Variants in SLC25A40 observed in about 807,000 individuals in gnomAD.
SLC25A40 encodes the protein solute carrier family 25 member 40, also known as mitochondrial glutathione transporter SLC25A40.
Under a neutral mutation model 46.5 loss-of-function variants are expected in SLC25A40, and 41 were observed. The ratio of observed to expected loss-of-function variants is 0.88; its 90% CI spans 0.69 to 1.14. SLC25A40 has a LOEUF of 1.14. Ranked by LOEUF, SLC25A40 falls within the 50% of genes most tolerant of loss-of-function variation. SLC25A40 has a pLI of 0.00. For synonymous variants in SLC25A40, 126 were observed against 127.5 expected (o/e 0.99, Z 0.08); for missense variants, 386 against 393.6 (o/e 0.98, Z 0.16).
rs1329809754 is a variant in SLC25A40, at chr7:87,834,386, T to C, written c.*1863A>G. ...GAACACTTTTTGGTTGTTAGTATAT[T>C]TTAAAAGTATTAATATTTCTTTTTA... On this transcript the variant is annotated 3_prime_UTR_variant, in exon 12 of 12. Transcript: ENST00000341119. 1 of 151,726 alleles carries C rather than the reference T, an allele frequency of 6.6e-6. No homozygotes were observed. The highest frequency in any genetic ancestry group is 1.5e-5 in the Non-Finnish European group (1 of 67,788). The allele number at this position is 151,726 out of a possible 1,614,324, so 9.4% of individuals were successfully genotyped here. A position where few individuals can be genotyped will look rare whatever the true frequency, so the allele number is the denominator to read the frequency against.
chr7:87,854,101 C>T lies in SLC25A40; in HGVS notation c.264+103G>A, dbSNP rs537343198. The T allele has an allele frequency of 1.2e-5, 9 of 773,408 alleles. No homozygotes were observed. The African/African-American group carries it at 1.4e-4, about 12-fold the overall frequency. The allele number at this position is 773,408 out of a possible 1,614,324, so 47.9% of individuals were successfully genotyped here. A position where few individuals can be genotyped will look rare whatever the true frequency, so the allele number is the denominator to read the frequency against. On this transcript the variant is annotated intron_variant, in intron 5 of 11. Coordinates refer to ENST00000341119, the MANE Select transcript of SLC25A40 (RefSeq NM_018843.4). ...AAAAGCAAAGAAGTAGTTCCCTGTTCTCAGTTTAATATGATTCTTAACCCT... is the reference window on the plus strand; with the variant it reads ...AAAAGCAAAGAAGTAGTTCCCTGTTTTCAGTTTAATATGATTCTTAACCCT...
chr7:87,848,672 C>T (rs1315750455), intron 6 of SLC25A40, among the ~76,000 whole-genome samples: 2 of 152,160 alleles, frequency 1.3e-5, no homozygotes, highest in Non-Finnish European at 2.9e-5. Context: ...ATTCTAATGA[C>T]ATACTATTTT....
At chr7:87,847,233 TATA>T in intron 7 of SLC25A40, 111 bp from the exon 8 acceptor site, 1 of 843,512 alleles carries the variant, frequency 1.2e-6, no homozygotes, top group Non-Finnish European at 1.6e-6. Flanking sequence ...ACTTTTAGTC[TATA>T]ATGTCTGAAA....
At chr7:87,867,961 T>C (rs943404407) in intron 1 of SLC25A40, among the ~76,000 whole-genome samples, 4 of 152,246 alleles carry the variant, frequency 2.6e-5, no homozygotes, top group East Asian at 1.9e-4. Context: ...ACCTCTTACA[T>C]TGTGGTGTTG....
intron 5 of SLC25A40, among the ~76,000 whole-genome samples, 185 bp from the exon 6 acceptor site, chr7:87,850,133 C>A (rs1173509418): frequency 6.6e-6 from 1 of 152,008 alleles, no homozygotes; most frequent in Admixed American, 6.6e-5. Context: ...TGAAGCATTT[C>A]TGGATGATAC....
At position 87,834,894 on chromosome 7, in the gene SLC25A40, AAC is replaced by A. The variant is rs1838236276; in HGVS notation, c.*1353_*1354del. On this transcript the variant is annotated 3_prime_UTR_variant, in exon 12 of 12. Transcript: ENST00000341119. ...ATTTAAGGTAAATCAACATAGGATA[AAC>A]ACAGAAGATTACATACAAACCCTAC... 2 of 151,746 alleles carry A rather than the reference AAC, an allele frequency of 1.3e-5. No homozygotes were observed. The highest frequency in any genetic ancestry group is 2.1e-4 in the South Asian group (1 of 4,824). 9.4% of individuals were successfully genotyped at this position (151,746 alleles called of 1,614,324 possible).
intron 1 of SLC25A40, among the ~76,000 whole-genome samples, chr7:87,869,292 G>C (rs951208664): frequency 1.3e-5 from 2 of 152,052 alleles, no homozygotes; most frequent in Non-Finnish European, 2.9e-5. Context: ...TTGGGGGGCC[G>C]AGTGAGGCAA....
chr7:87,866,884 C>T (rs1205006165), intron 1 of SLC25A40, among the ~76,000 whole-genome samples: 1 of 152,264 alleles, frequency 6.6e-6, no homozygotes, highest in South Asian at 2.1e-4. Context: ...TCCCTCCCAT[C>T]TTCCCTAAGA....
At position 87,874,737 on chromosome 7, in the gene SLC25A40, C is replaced by A. The variant is rs553027733; in HGVS notation, c.-94+1359G>T. Among the ~76,000 whole-genome samples the A allele has an allele frequency of 2.0e-5, 3 of 152,318 alleles. No homozygotes were observed. In the East Asian group the frequency reaches 5.8e-4, roughly 29 times the overall value. On this transcript the variant is annotated intron_variant, in intron 1 of 11. Transcript: ENST00000341119. ...TTCACAACATCCCTGAGAAGTACTA[C>A]CCCCTTTTAATAGATTAAAATTGGG...
intron 9 of SLC25A40, 44 bp from the exon 10 acceptor site, chr7:87,841,758 T>C: frequency 8.3e-7 from 1 of 1,206,212 alleles, no homozygotes. Flanking sequence ...ACCTGTTAAT[T>C]TTTCCTAAAA....
At chr7:87,871,019 C>T (rs1336690523) in intron 1 of SLC25A40, among the ~76,000 whole-genome samples, 2 of 152,186 alleles carry the variant, frequency 1.3e-5, no homozygotes, top group African/African-American at 4.8e-5. Flanking sequence ...TCAGGGGTCA[C>T]AGGCATCCCT....
At chr7:87,863,288 G>A (rs1296255467) in intron 1 of SLC25A40, among the ~76,000 whole-genome samples, 1 of 152,150 alleles carries the variant, frequency 6.6e-6, no homozygotes, top group African/African-American at 2.4e-5. Flanking sequence ...GAGGGACCCA[G>A]TGAGAGGTAA....
At chr7:87,841,577 C>G (rs1263212586) in intron 10 of SLC25A40, 56 bp downstream of exon 10, 8 of 1,003,350 alleles carry the variant, frequency 8.0e-6, no homozygotes, top group Non-Finnish European at 8.5e-6. Context: ...CCTACAATAT[C>G]TGTAAGGAAA....
At chr7:87,857,902 G>A (rs1838638750) in intron 3 of SLC25A40, among the ~76,000 whole-genome samples, 3 of 152,278 alleles carry the variant, frequency 2.0e-5, no homozygotes, top group Admixed American at 6.5e-5. Flanking sequence ...GCCTATAAAC[G>A]GACATGCAAG....
intron 1 of SLC25A40, among the ~76,000 whole-genome samples, chr7:87,862,895 A>T (rs1838730082): frequency 6.6e-6 from 1 of 152,154 alleles, no homozygotes; most frequent in South Asian, 2.1e-4. Flanking sequence ...CTATCACAAG[A>T]ATAGGATGGG....
intron 2 of SLC25A40, among the ~76,000 whole-genome samples, chr7:87,859,142 C>T (rs1329376917): frequency 1.3e-5 from 2 of 152,082 alleles, no homozygotes; most frequent in African/African-American, 2.4e-5. Context: ...ATAAAAATAA[C>T]TTATGAACTT....
rs1838237861 is a variant in SLC25A40, at chr7:87,835,080, G to A, written c.*1169C>T. On this transcript the variant is annotated 3_prime_UTR_variant, in exon 12 of 12. Transcript: ENST00000341119. ...CTAAAATAAAGACTGCAATAAATTAGTGCTTTAAAAAATATATATATATAG... is the reference window on the plus strand; with the variant it reads ...CTAAAATAAAGACTGCAATAAATTAATGCTTTAAAAAATATATATATATAG... 1 of 151,188 alleles carries A rather than the reference G, an allele frequency of 6.6e-6. No individual in the cohort carries two copies. The allele number at this position is 151,188 out of a possible 1,614,324, so 9.4% of individuals were successfully genotyped here.
At chr7:87,871,100 T>C (rs1164613349) in intron 1 of SLC25A40, among the ~76,000 whole-genome samples, 1 of 152,204 alleles carries the variant, frequency 6.6e-6, no homozygotes, top group East Asian at 1.9e-4. Flanking sequence ...CCCTAGCTTC[T>C]GCATCCACTC....
rs78963830 is a variant in SLC25A40 at position 87,853,505 on chromosome 7, G to A, written c.264+699C>T. ...TTTTTCCCAGAGTAAGTGAATGTTT[G>A]TAGCAGCTTTATTCATAATAGCCAA... On this transcript the variant is annotated intron_variant, in intron 5 of 11. Coordinates refer to ENST00000341119, the MANE Select transcript of SLC25A40 (RefSeq NM_018843.4). 3.1e-3 allele frequency among the ~76,000 whole-genome samples: 471 copies of A among 152,266 alleles called. 6 individuals are homozygous for A. The East Asian group carries it at 0.049, about 16-fold the overall frequency.
Sources: allele counts gnomAD v4.1 joint callset (sites outside exome capture counted in the v4.1 genomes callset), GRCh38; gene constraint gnomAD v4.1.1; transcripts MANE v1.5; gene names NCBI Gene and HGNC (gene_info 2026-07-23, HGNC 2026-07-21).